The following AGBL1 variants were observed in gnomAD, a reference collection of about 807,000 sequenced individuals.
The protein encoded by AGBL1 is AGBL carboxypeptidase 1.
A neutral mutation model predicts 118.9 loss-of-function variants in AGBL1; 130 were observed. That is an observed-to-expected ratio of 1.09 (90% confidence interval 0.95 to 1.26). The LOEUF (loss-of-function observed/expected upper bound fraction) is 1.26. AGBL1 is among the 50% of genes most tolerant of loss of function. The pLI is 0.00. For missense variants in AGBL1, 1,584 were observed against 1,298.1 expected (o/e 1.22, Z -3.38); for synonymous variants, 555 against 478.9 (o/e 1.16, Z -2.08).
chr15:86,913,056 G>A lies in AGBL1; in HGVS notation c.*5762G>A, dbSNP rs748312486. ...ATAGAGTGGTAAAAGGGAATTTTGA[G>A]ATAAAAATGGATTCTATTACAACCT... On this transcript the variant is annotated 3_prime_UTR_variant, in exon 23 of 23. Transcript: ENST00000614907. The A allele has an allele frequency of 6.6e-6, 1 of 152,084 alleles. No individual in the cohort carries two copies. The highest frequency in any genetic ancestry group is 1.5e-5 in the Non-Finnish European group (1 of 68,016). 9.4% of individuals were successfully genotyped at this position (152,084 alleles called of 1,614,324 possible).
At chr15:86,695,510 G>A (rs945606096) in intron 22 of AGBL1, among the ~76,000 whole-genome samples, 5 of 151,806 alleles carry the variant, frequency 3.3e-5, no homozygotes, top group Admixed American at 1.3e-4. Context: ...CTTGCTAATG[G>A]TCTATCAATT....
intron 18 of AGBL1, among the ~76,000 whole-genome samples, chr15:86,425,393 G>T (rs1347096580): frequency 6.6e-6 from 1 of 151,814 alleles, no homozygotes; most frequent in Non-Finnish European, 1.5e-5. Context: ...CTGTTTGGGG[G>T]TGGGGGGCTA....
chr15:86,816,281 CAAGATA>C (rs2078857552), intron 22 of AGBL1, among the ~76,000 whole-genome samples: 1 of 152,104 alleles, frequency 6.6e-6, no homozygotes, highest in Admixed American at 6.6e-5. Flanking sequence ...TCAGAGAAGT[CAAGATA>C]AAGAGAAAGT....
intron 17 of AGBL1, chr15:86,304,928 C>G (rs780425607): frequency 5.3e-5 from 8 of 152,194 alleles, no homozygotes; most frequent in Non-Finnish European, 1.0e-4. Context: ...TGGTATGAGT[C>G]TCCTCACGTT....
intron 18 of AGBL1, among the ~76,000 whole-genome samples, chr15:86,511,213 G>A (rs7177221): frequency 0.6 from 90,864 of 151,884 alleles, 27,814 homozygotes; most frequent in East Asian, 0.77. Flanking sequence ...AAAACCACAA[G>A]GATGTCAGAA....
intron 16 of AGBL1, 69 bp from the exon 17 acceptor site, chr15:86,295,183 CGTT>C (rs2079613790): frequency 6.6e-7 from 1 of 1,504,792 alleles, no homozygotes; most frequent in Non-Finnish European, 9.1e-7. Context: ...ATATGTAAGC[CGTT>C]GTTGTTTTCT....
intron 3 of AGBL1, among the ~76,000 whole-genome samples, chr15:86,144,446 A>C (rs1447567621): frequency 6.6e-6 from 1 of 152,258 alleles, no homozygotes; most frequent in Non-Finnish European, 1.5e-5. Flanking sequence ...GATAAAGAAA[A>C]TGTGGTACAC....
intron 15 of AGBL1, among the ~76,000 whole-genome samples, chr15:86,279,057 CT>C (rs2079304538): frequency 6.6e-6 from 1 of 152,200 alleles, no homozygotes; most frequent in East Asian, 1.9e-4. Context: ...GCTTTGAGCC[CT>C]TTGGCAAATT....
intron 5 of AGBL1, among the ~76,000 whole-genome samples, chr15:86,223,382 A>G (rs2078308782): frequency 6.6e-6 from 1 of 152,110 alleles, no homozygotes. Flanking sequence ...GATGAAATTA[A>G]TTAGGCTGTT....
intron 17 of AGBL1, among the ~76,000 whole-genome samples, chr15:86,335,608 C>T (rs571108593): frequency 4.6e-5 from 7 of 152,162 alleles, no homozygotes; most frequent in Admixed American, 2.0e-4. Context: ...TTGCAGAACA[C>T]CAAATATTGA....
At chr15:86,545,122 A>G (rs1304379192) in intron 19 of AGBL1, among the ~76,000 whole-genome samples, 3 of 152,160 alleles carry the variant, frequency 2.0e-5, no homozygotes, top group Non-Finnish European at 4.4e-5. Flanking sequence ...ACCTGATTCT[A>G]CCTTTGACAG....
chr15:87,006,138 G>A (rs1288115208), intron 24 of AGBL1, among the ~76,000 whole-genome samples: 2 of 152,194 alleles, frequency 1.3e-5, no homozygotes, highest in East Asian at 1.9e-4. Flanking sequence ...CTACTCAGGG[G>A]TCAGGGACCC....
intron 3 of AGBL1, among the ~76,000 whole-genome samples, chr15:86,144,761 A>G (rs2077010483): frequency 6.6e-6 from 1 of 152,280 alleles, no homozygotes; most frequent in South Asian, 2.1e-4. Flanking sequence ...ACAAACCCCC[A>G]TGACACAAGT....
At position 86,152,056 on chromosome 15, in the gene AGBL1, A is replaced by G. The variant is rs1430071194; in HGVS notation, c.263-2374A>G. Reference sequence around the variant, plus strand: ...ATGGAAGAACATTCCATGCTTGTAGATACGACAAATCAATATCGTGAAAAT... The same window carrying G: ...ATGGAAGAACATTCCATGCTTGTAGGTACGACAAATCAATATCGTGAAAAT... On this transcript the variant is annotated intron_variant, in intron 3 of 22. Coordinates refer to ENST00000614907, the MANE Select transcript of AGBL1 (RefSeq NM_001386094.1). 2.0e-5 allele frequency among the ~76,000 whole-genome samples: 3 copies of G among 152,210 alleles called. No homozygotes were observed. The South Asian group carries it at 6.2e-4, about 32-fold the overall frequency.
intron 5 of AGBL1, among the ~76,000 whole-genome samples, chr15:86,196,169 T>C (rs1374462678): frequency 6.6e-6 from 1 of 152,242 alleles, no homozygotes; most frequent in African/African-American, 2.4e-5. Flanking sequence ...TTTGGCCGCA[T>C]GTAGCATGCA....
At chr15:86,271,498 C>T (rs1330981474) in intron 14 of AGBL1, 121 bp from the exon 15 acceptor site, 10 of 766,908 alleles carry the variant, frequency 1.3e-5, no homozygotes, top group South Asian at 3.2e-5. Flanking sequence ...ATCTCTTTGG[C>T]GATATATAGT....
intron 19 of AGBL1, among the ~76,000 whole-genome samples, chr15:86,524,334 A>G (rs1051294886): frequency 9.2e-5 from 14 of 152,226 alleles, no homozygotes; most frequent in African/African-American, 3.4e-4. Context: ...AATAGCAGTT[A>G]TATTCATAAT....
intron 22 of AGBL1, among the ~76,000 whole-genome samples, chr15:86,894,890 G>A (rs749865995): frequency 4.6e-5 from 7 of 152,208 alleles, no homozygotes; most frequent in Non-Finnish European, 8.8e-5. Context: ...GTTGGCAGGA[G>A]TGTCAAGGCA....
intron 18 of AGBL1, among the ~76,000 whole-genome samples, chr15:86,432,541 C>G (rs905391761): frequency 1.2e-4 from 19 of 152,176 alleles, no homozygotes; most frequent in Admixed American, 9.2e-4. Flanking sequence ...AGAGCTATAT[C>G]AATACGACTT....
Sources: allele counts gnomAD v4.1 joint callset (sites outside exome capture counted in the v4.1 genomes callset), GRCh38; gene constraint gnomAD v4.1.1; transcripts MANE v1.5; gene names NCBI Gene and HGNC (gene_info 2026-07-23, HGNC 2026-07-21).